Variants in PLCE1 observed in about 807,000 individuals in gnomAD.
The protein encoded by PLCE1 is 1-phosphatidylinositol 4,5-bisphosphate phosphodiesterase epsilon-1.
Under a neutral mutation model 242.8 loss-of-function variants are expected in PLCE1, and 119 were observed. That is an observed-to-expected ratio of 0.49 (90% CI 0.42 to 0.57). The LOEUF (loss-of-function observed/expected upper bound fraction) is 0.57, where lower values mean the gene tolerates loss of function less well. PLCE1 is among the 20% of genes least tolerant of loss of function. PLCE1 has a pLI of 0.00. For missense variants in PLCE1, 2,441 were observed against 2,788.8 expected (o/e 0.88, Z 2.81); for synonymous variants, 945 against 1,017.4 (o/e 0.93, Z 1.35).
intron 2 of PLCE1, among the ~76,000 whole-genome samples, chr10:94,077,125 G>T (rs1224502381): frequency 1.3e-5 from 2 of 152,184 alleles, no homozygotes. Context: ...TTTGCTTTGT[G>T]CACTTATGAG....
At chr10:94,017,117 T>A (rs1350348445) in intron 1 of PLCE1, among the ~76,000 whole-genome samples, 1 of 152,002 alleles carries the variant, frequency 6.6e-6, no homozygotes, top group Non-Finnish European at 1.5e-5. Flanking sequence ...CCAACCCCCA[T>A]CAGAGCCTCA....
At chr10:94,188,882 G>A (rs2136564101) in intron 4 of PLCE1, among the ~76,000 whole-genome samples, 1 of 152,096 alleles carries the variant, frequency 6.6e-6, no homozygotes, top group Admixed American at 6.5e-5. Flanking sequence ...CAGGATTACA[G>A]GCATGAGCCA....
At chr10:94,288,854 T>C (rs1453670805) in intron 22 of PLCE1, among the ~76,000 whole-genome samples, 1 of 152,188 alleles carries the variant, frequency 6.6e-6, no homozygotes, top group African/African-American at 2.4e-5. Context: ...AGAGACAAGC[T>C]TTGTTCATCA....
chr10:94,215,950 A>G (rs752512195), intron 4 of PLCE1, among the ~76,000 whole-genome samples: 3 of 152,186 alleles, frequency 2.0e-5, no homozygotes, highest in Non-Finnish European at 4.4e-5. Context: ...AGGCCAAGAC[A>G]GAGCCACAAG....
At chr10:94,087,852 C>T (rs1368673488) in intron 2 of PLCE1, among the ~76,000 whole-genome samples, 1 of 152,232 alleles carries the variant, frequency 6.6e-6, no homozygotes, top group African/African-American at 2.4e-5. Flanking sequence ...ACGTTTGATA[C>T]TTACCCCTAC....
rs1338663887 is a variant in PLCE1 at position 94,324,363 on chromosome 10, C to G, written c.6516C>G (p.Ala2172=). Residue 2172 remains alanine, a synonymous_variant, in exon 31 of 33, where the codon GCC becomes GCG. Transcript: ENST00000371380. ...QDVIQQTLCK[A]KYSYSILSNP... ...TTACCTTTCAGACCTTATGCAAAGC[C>G]AAATATTCCTACAGCATCCTGAGCA... The G allele has an allele frequency of 6.2e-7, 1 of 1,613,908 alleles. No homozygotes were observed. Among genetic ancestry groups the G allele is most frequent in the Admixed American group, 1.7e-5 (1 of 60,014 alleles).
rs759614140 is a variant in PLCE1 at position 94,270,548 on chromosome 10, G to A, written c.4452G>A (p.Ser1484=). ...FINSDLPIII[S]IENHCSLPQQ... ...ACTCTGACCTGCCAATCATCATATC[G>A]ATTGAGAACCACTGTTCATTGCCTC... Residue 1484 remains serine, a synonymous_variant, in exon 18 of 33, where the codon TCG becomes TCA. Coordinates refer to ENST00000371380, the MANE Select transcript of PLCE1 (RefSeq NM_016341.4). 192 of 1,613,872 alleles carry A rather than the reference G, an allele frequency of 1.2e-4. No homozygotes were observed. Among genetic ancestry groups the A allele is most frequent in the Non-Finnish European group, 1.5e-4 (182 of 1,179,894 alleles).
Position 94,124,963 on chromosome 10 carries a change from A to G in PLCE1, c.1207-7211A>G, listed in dbSNP as rs527258833. On this transcript the variant is annotated intron_variant, in intron 2 of 32. Coordinates refer to ENST00000371380, the MANE Select transcript of PLCE1 (RefSeq NM_016341.4). ...TTTTATGCCATTTCATATGATTTAT[A>G]TATCTAGTTTTCAGCAAATACAGGT... Among the ~76,000 whole-genome samples the G allele has an allele frequency of 2.5e-3, 380 of 152,342 alleles. 3 individuals are homozygous for G. Among genetic ancestry groups the G allele is most frequent in the African/African-American group, 8.9e-3 (369 of 41,586 alleles).
intron 2 of PLCE1, among the ~76,000 whole-genome samples, chr10:94,075,153 TTCTC>T (rs1333561917): frequency 6.6e-6 from 1 of 152,160 alleles, no homozygotes; most frequent in Non-Finnish European, 1.5e-5. Context: ...CACAATTAGT[TTCTC>T]TCTCCTCTCG....
chr10:93,994,844 C>T (rs2060790975), intron 1 of PLCE1, among the ~76,000 whole-genome samples: 1 of 152,134 alleles, frequency 6.6e-6, no homozygotes, highest in Admixed American at 6.5e-5. Flanking sequence ...TGAGTTCAGC[C>T]GACTTAACCA....
chr10:94,288,712 G>A (rs1248045109), intron 22 of PLCE1, among the ~76,000 whole-genome samples: 1 of 152,120 alleles, frequency 6.6e-6, no homozygotes, highest in Non-Finnish European at 1.5e-5. Flanking sequence ...GGGATTCCAT[G>A]GTGAGGCTCG....
chr10:94,074,187 CTTTT>C (rs1015998359), intron 2 of PLCE1, among the ~76,000 whole-genome samples: 1 of 123,120 alleles, frequency 8.1e-6, no homozygotes, highest in Non-Finnish European at 1.7e-5. Context: ...CCAAGCAGTT[CTTTT>C]TTTTTTTTTT....
chr10:94,174,006 A>G (rs1368018127), intron 4 of PLCE1, among the ~76,000 whole-genome samples: 1 of 152,218 alleles, frequency 6.6e-6, no homozygotes, highest in Non-Finnish European at 1.5e-5. Flanking sequence ...TTTTTCACCT[A>G]TTTTGAGTGA....
intron 13 of PLCE1, among the ~76,000 whole-genome samples, chr10:94,260,096 T>C (rs1426082776): frequency 2.6e-5 from 4 of 152,140 alleles, no homozygotes; most frequent in Non-Finnish European, 1.5e-5. Context: ...AGCCAAACCA[T>C]ATCACTGACC....
chr10:94,244,997 A>G (rs1231260682), intron 7 of PLCE1, among the ~76,000 whole-genome samples: 4 of 152,172 alleles, frequency 2.6e-5, no homozygotes, highest in African/African-American at 9.7e-5. Context: ...TATTTTTAAC[A>G]GTTTAACAGA....
chr10:94,067,969 T>C (rs2044243881), intron 2 of PLCE1, among the ~76,000 whole-genome samples: 1 of 152,122 alleles, frequency 6.6e-6, no homozygotes, highest in Non-Finnish European at 1.5e-5. Context: ...CCAGCACTCC[T>C]AAGATAGGGG....
rs955668000 is a variant in PLCE1, at chr10:94,235,762, T to C, written c.2215-153T>C. The C allele has an allele frequency of 6.1e-6, 6 of 979,684 alleles. No homozygotes were observed. In the African/African-American group the frequency reaches 7.0e-5, roughly 11 times the overall value. 60.7% of individuals were successfully genotyped at this position (979,684 alleles called of 1,614,324 possible). ...AGTTTTGATATTTCATGTGGTGAAA[T>C]GAAAAAATGTTTTTCCTGGAGGCTC... On this transcript the variant is annotated intron_variant, in intron 6 of 32. Transcript: ENST00000371380.
chr10:94,132,347 T>C lies in PLCE1; in HGVS notation c.1380T>C (p.Thr460=). The C allele has an allele frequency of 6.2e-7, 1 of 1,613,990 alleles. No individual in the cohort carries two copies. Among genetic ancestry groups the C allele is most frequent in the Non-Finnish European group, 8.5e-7 (1 of 1,179,990 alleles). Residue 460 remains threonine (T), a synonymous_variant, in exon 3 of 33, where the codon ACT becomes ACC. Transcript: ENST00000371380. ...VCEYRATLQR[T]SISQYITGSL... Reference sequence around the variant, plus strand: ...AGTATCGCGCCACCCTCCAAAGGACTTCAATATCGCAGTACATCACCGGTT... The same window carrying C: ...AGTATCGCGCCACCCTCCAAAGGACCTCAATATCGCAGTACATCACCGGTT...
Position 94,325,113 on chromosome 10 carries a change from A to G in PLCE1, c.*24+9A>G. 1 of 1,578,084 alleles carries G rather than the reference A, an allele frequency of 6.3e-7. No individual in the cohort carries two copies. The highest frequency in any genetic ancestry group is 8.7e-7 in the Non-Finnish European group (1 of 1,147,322). The stretch of plus-strand genomic sequence containing the variant: ...CAGCATGTTTAACCCAGGTATAGTA[A>G]GTCATTGCACCATCCTGGAACAGGG... On this transcript the variant is annotated intron_variant, in intron 32 of 32. Transcript: ENST00000371380.
Sources: gnomAD v4.1 joint callset for allele counts (sites outside exome capture counted in the v4.1 genomes callset) on GRCh38, gnomAD v4.1.1 for gene constraint, MANE v1.5 for transcripts, NCBI Gene and HGNC (gene_info 2026-07-23, HGNC 2026-07-21) for gene names.